The following WWC1 variants were observed in gnomAD, a reference collection of about 807,000 sequenced individuals.
The protein encoded by WWC1 is protein KIBRA.
In WWC1, 55 loss-of-function variants were observed where a neutral mutation model predicts 138.4. The ratio of observed to expected loss-of-function variants is 0.40; its 90% CI spans 0.32 to 0.50. WWC1 has a LOEUF of 0.50. Ranked by LOEUF, WWC1 falls within the 20% of genes least tolerant of loss-of-function variation. The pLI is 0.72. For synonymous variants in WWC1, 524 were observed against 564.9 expected, an observed-to-expected ratio of 0.93 and a Z score of 1.03; for missense variants, 1,226 against 1,420.4, an observed-to-expected ratio of 0.86 and a Z score of 2.20.
At chr5:168,375,392 G>T (rs972194601) in intron 2 of WWC1, among the ~76,000 whole-genome samples, 7 of 152,094 alleles carry the variant, frequency 4.6e-5, no homozygotes, top group Non-Finnish European at 1.0e-4. Context: ...TTCTGACAGG[G>T]CAAATACAAA....
intron 19 of WWC1, among the ~76,000 whole-genome samples, chr5:168,458,477 A>G (rs768279853): frequency 2.6e-5 from 4 of 152,026 alleles, no homozygotes; most frequent in African/African-American, 7.2e-5. Flanking sequence ...ATCTTCACCT[A>G]TGTCACTTGG....
intron 20 of WWC1, among the ~76,000 whole-genome samples, chr5:168,461,206 G>A (rs1168984453): frequency 1.3e-5 from 2 of 152,168 alleles, no homozygotes; most frequent in Non-Finnish European, 2.9e-5. Context: ...GCGTGTACCT[G>A]TAGTCCCAGG....
At chr5:168,306,202 G>A (rs1442534912) in intron 1 of WWC1, among the ~76,000 whole-genome samples, 4 of 152,146 alleles carry the variant, frequency 2.6e-5, no homozygotes, top group African/African-American at 7.2e-5. Flanking sequence ...TTCGAGACCA[G>A]CCTGGCCAAC....
chr5:168,460,405 A>G (rs1756702450), intron 19 of WWC1, among the ~76,000 whole-genome samples: 1 of 152,222 alleles, frequency 6.6e-6, no homozygotes, highest in African/African-American at 2.4e-5. Flanking sequence ...GTTCAATGGG[A>G]TATTCGTGGC....
At chr5:168,409,803 C>T (rs140899441) in intron 7 of WWC1, 119 bp from the exon 8 acceptor site, 90 of 989,280 alleles carry the variant, frequency 9.1e-5, no homozygotes, top group Middle Eastern at 4.9e-4. Flanking sequence ...GCCCAGTCAC[C>T]GGGGGCTATT....
intron 18 of WWC1, among the ~76,000 whole-genome samples, chr5:168,454,571 G>C (rs954274): frequency 0.11 from 16,633 of 152,282 alleles, 1,255 homozygotes; most frequent in Non-Finnish European, 0.16. Context: ...TGCTGCACTA[G>C]GGTCACATTA....
At chr5:168,403,006 T>TTTTCTCTCTTTC (rs1554104685) in intron 5 of WWC1, among the ~76,000 whole-genome samples, 26 of 105,692 alleles carry the variant, frequency 2.5e-4, no homozygotes, top group Middle Eastern at 4.9e-3. Context: ...TGTTGTTTCT[T>TTTTCTCTCTTTC]TTTCTTTCTT....
At chr5:168,326,216 C>CTTTTTTTTTTTTTTTTTTT (rs796347858) in intron 1 of WWC1, among the ~76,000 whole-genome samples, 5 of 113,286 alleles carry the variant, frequency 4.4e-5, no homozygotes, top group African/African-American at 1.7e-4. Context: ...ACCTGATAGT[C>CTTTTTTTTTTTTTTTTTTT]TTTTTTTTTT....
intron 14 of WWC1, among the ~76,000 whole-genome samples, chr5:168,431,041 G>T (rs1781894230): frequency 6.6e-6 from 1 of 152,214 alleles, no homozygotes; most frequent in African/African-American, 2.4e-5. Flanking sequence ...TAGAAGTGAA[G>T]GGTCTGGACC....
At position 168,414,445 on chromosome 5, in the gene WWC1, A is replaced by G. The variant is rs1425506361; in HGVS notation, c.1039A>G (p.Lys347Glu). The G allele has an allele frequency of 3.2e-6, 5 of 1,584,064 alleles. No homozygotes were observed. Among genetic ancestry groups the G allele is most frequent in the African/African-American group, 1.3e-5 (1 of 74,392 alleles). Residue 347 changes from lysine to glutamate, a missense_variant, in exon 9 of 23, where the codon AAG (lysine) becomes GAG (glutamate). Coordinates refer to ENST00000265293, the MANE Select transcript of WWC1 (RefSeq NM_015238.3). ...GGACCGGCTGATCCTTATCAACGAGAAGGAGGAGCTGCTGAAGGAGATGCG... is the reference window on the plus strand; with the variant it reads ...GGACCGGCTGATCCTTATCAACGAGGAGGAGGAGCTGCTGAAGGAGATGCG... ...ERDRLILINE[K>E]EELLKEMRFI...
intron 14 of WWC1, 110 bp downstream of exon 14, chr5:168,430,333 T>G (rs568033773): frequency 3.1e-4 from 262 of 839,096 alleles, no homozygotes; most frequent in Non-Finnish European, 4.5e-4. Flanking sequence ...GTCAAGGCAC[T>G]GTGGGTTTGT....
At position 168,382,091 on chromosome 5, in the gene WWC1, A is replaced by G. The variant is rs575030403; in HGVS notation, c.230-3120A>G. On this transcript the variant is annotated intron_variant, in intron 2 of 22. Transcript: ENST00000265293. ...ATTGAATGTAGTAGCAAAAGAACTGAAAACAATTCAAATATTTCCCATCGA... is the reference window on the plus strand; with the variant it reads ...ATTGAATGTAGTAGCAAAAGAACTGGAAACAATTCAAATATTTCCCATCGA... 1.2e-4 allele frequency among the ~76,000 whole-genome samples: 18 copies of G among 152,288 alleles called. No individual in the cohort carries two copies. In the South Asian group the frequency reaches 3.7e-3, roughly 32 times the overall value.
chr5:168,438,195 G>A (rs1754410494), intron 15 of WWC1, among the ~76,000 whole-genome samples: 1 of 152,058 alleles, frequency 6.6e-6, no homozygotes, highest in African/African-American at 2.4e-5. Context: ...ACCTTTCACT[G>A]TCCCAGACCT....
intron 20 of WWC1, among the ~76,000 whole-genome samples, chr5:168,461,821 A>T (rs1756838192): frequency 6.6e-6 from 1 of 152,176 alleles, no homozygotes; most frequent in Admixed American, 6.5e-5. Flanking sequence ...GCACTTTGGG[A>T]GGCCGAGGCA....
chr5:168,397,929 A>C (rs1779025997), intron 4 of WWC1, 129 bp downstream of exon 4: 2 of 925,094 alleles, frequency 2.2e-6, no homozygotes, highest in Middle Eastern at 3.1e-4. Flanking sequence ...CAAGGTCCTA[A>C]ATAATAACAG....
intron 8 of WWC1, 146 bp from the exon 9 acceptor site, chr5:168,414,202 A>G: frequency 7.9e-7 from 1 of 1,272,844 alleles, no homozygotes. Context: ...TGTTTAGAAA[A>G]AAAATAGGTT....
At chr5:168,441,561 G>A (rs765588834) in intron 15 of WWC1, 121 bp from the exon 16 acceptor site, 374 of 940,384 alleles carry the variant, frequency 4.0e-4, no homozygotes, top group Non-Finnish European at 4.9e-4. Flanking sequence ...TCTTCCTGCC[G>A]GGATGCCTAC....
chr5:168,441,732 G>C lies in WWC1; in HGVS notation c.2331G>C (p.Ser777=). 1 of 1,614,162 alleles carries C rather than the reference G, an allele frequency of 6.2e-7. No homozygotes were observed. ...AGGTCTGCCGGTCTGGGGAGAGGTC[G>C]ACTCGCTGGTACAACCTTCTCAGCT... The part of the protein sequence containing the change: ...LAEVCRSGER[S]TRWYNLLSYK... Residue 777 remains serine (S), a synonymous_variant, in exon 16 of 23, where the codon TCG becomes TCC. Coordinates refer to ENST00000265293, the MANE Select transcript of WWC1 (RefSeq NM_015238.3).
At chr5:168,407,690 A>C (rs1369925433) in intron 6 of WWC1, among the ~76,000 whole-genome samples, 1 of 152,172 alleles carries the variant, frequency 6.6e-6, no homozygotes, top group African/African-American at 2.4e-5. Flanking sequence ...CCAGCTTCTC[A>C]TCGATAAATT....
Sources: gnomAD v4.1 joint callset for allele counts (sites outside exome capture counted in the v4.1 genomes callset) on GRCh38, gnomAD v4.1.1 for gene constraint, MANE v1.5 for transcripts, NCBI Gene and HGNC (gene_info 2026-07-23, HGNC 2026-07-21) for gene names.